GTF2A1L: variants seen among roughly 807,000 people sequenced by gnomAD.
The protein encoded by GTF2A1L is TFIIA-alpha and beta-like factor.
A neutral mutation model predicts 49.7 loss-of-function variants in GTF2A1L; 48 were observed. The ratio of observed to expected loss-of-function variants is 0.97; its 90% CI spans 0.77 to 1.23. GTF2A1L has a LOEUF of 1.23. Ranked by LOEUF, GTF2A1L falls within the 50% of genes most tolerant of loss-of-function variation. The pLI is 0.00. For missense variants in GTF2A1L, 736 were observed against 564.8 expected (o/e 1.30, Z -3.07); for synonymous variants, 246 against 193.5 (o/e 1.27, Z -2.25).
At chr2:48,668,743 G>C (rs1679000377) in intron 6 of GTF2A1L, 1 of 152,152 alleles carries the variant, frequency 6.6e-6, no homozygotes, top group African/African-American at 2.4e-5. Flanking sequence ...GCTGAGGCGG[G>C]AGAATGCTGT....
intron 5 of GTF2A1L, among the ~76,000 whole-genome samples, chr2:48,645,883 C>T (rs942164915): frequency 6.6e-6 from 1 of 151,628 alleles, no homozygotes; most frequent in Admixed American, 6.6e-5. Context: ...CTCCTGACCT[C>T]GTGATCCACC....
chr2:48,671,496 G>T, intron 7 of GTF2A1L, 95 bp from the exon 8 acceptor site: 1 of 1,308,450 alleles, frequency 7.6e-7, no homozygotes, highest in Non-Finnish European at 1.0e-6. Flanking sequence ...GAGCCACCAC[G>T]CCGAGACAAG....
rs1676464431 is a variant in GTF2A1L at position 48,629,494 on chromosome 2, C to T, written c.247+8204C>T. On this transcript the variant is annotated intron_variant, in intron 3 of 8. Coordinates refer to ENST00000403751, the MANE Select transcript of GTF2A1L (RefSeq NM_006872.5). ...CAATGGCAAGGTTGTGGACTAGCTG[C>T]CTTGCATTTATCACTGCAGTTTTGC... is the stretch of plus-strand genomic sequence containing the variant. Among the ~76,000 whole-genome samples, 2 of 144,008 alleles carry T rather than the reference C, an allele frequency of 1.4e-5. 1 individual carries two copies. Among genetic ancestry groups the T allele is most frequent in the African/African-American group, 4.9e-5 (2 of 40,446 alleles). 94.5% of individuals were successfully genotyped at this position (144,008 alleles called of 152,430 possible). A position where few individuals can be genotyped will look rare whatever the true frequency, so the allele number is the denominator to read the frequency against.
chr2:48,673,961 C>A (rs1337640336), intron 8 of GTF2A1L, among the ~76,000 whole-genome samples: 1 of 152,130 alleles, frequency 6.6e-6, no homozygotes, highest in African/African-American at 2.4e-5. Context: ...GTCAGAAAGA[C>A]TTTCCTGCTT....
At chr2:48,653,415 T>C (rs957268210) in intron 6 of GTF2A1L, among the ~76,000 whole-genome samples, 7 of 152,142 alleles carry the variant, frequency 4.6e-5, no homozygotes, top group Admixed American at 2.0e-4. Context: ...TTGTAGTCAA[T>C]ACCCTCTTTC....
intron 3 of GTF2A1L, among the ~76,000 whole-genome samples, chr2:48,633,661 T>A (rs953441220): frequency 3.5e-4 from 53 of 152,304 alleles, no homozygotes; most frequent in African/African-American, 1.1e-3. Flanking sequence ...GTCCAATTGG[T>A]CAAGTTTAAA....
intron 6 of GTF2A1L, among the ~76,000 whole-genome samples, chr2:48,660,477 C>G (rs1678428565): frequency 6.6e-6 from 1 of 151,838 alleles, no homozygotes; most frequent in Non-Finnish European, 1.5e-5. Flanking sequence ...TTAAGATTTT[C>G]TATTGCTTTC....
chr2:48,675,282 T>C (rs2104322254), intron 8 of GTF2A1L, among the ~76,000 whole-genome samples: 1 of 152,282 alleles, frequency 6.6e-6, no homozygotes, highest in East Asian at 1.9e-4. Context: ...TGCAGAATCC[T>C]GAGTCCCACG....
At chr2:48,670,370 A>G (rs1191705008) in intron 7 of GTF2A1L, among the ~76,000 whole-genome samples, 1 of 148,126 alleles carries the variant, frequency 6.8e-6, no homozygotes, top group Non-Finnish European at 1.5e-5. Flanking sequence ...GTGACAGAGC[A>G]AGACTCTTTA....
intron 3 of GTF2A1L, among the ~76,000 whole-genome samples, chr2:48,621,717 G>C (rs781057886): frequency 7.9e-5 from 12 of 152,278 alleles, no homozygotes; most frequent in African/African-American, 2.4e-4. Context: ...GCAAAATGGA[G>C]AGTTCAGAAT....
intron 8 of GTF2A1L, among the ~76,000 whole-genome samples, chr2:48,674,707 G>C (rs976394204): frequency 7.9e-5 from 12 of 151,914 alleles, no homozygotes; most frequent in African/African-American, 2.9e-4. Flanking sequence ...TTATGGATGT[G>C]GTATCCTTTG....
In GTF2A1L at chr2:48,662,444, A is replaced by AAT. The variant is rs1678564582; in HGVS notation, c.979-7278_979-7277insAT. Among the ~76,000 whole-genome samples, 25 of 152,244 alleles carry AAT rather than the reference A, an allele frequency of 1.6e-4. No individual in the cohort carries two copies. The South Asian group carries it at 5.0e-3, about 30-fold the overall frequency. On this transcript the variant is annotated intron_variant, in intron 6 of 8. Transcript: ENST00000403751. Reference sequence around the variant, plus strand: ...TAATATTTCTTGTAGGGAAAATCTAACTATAATGAATTCCCTTGGTTTTTA... The same window carrying AAT: ...TAATATTTCTTGTAGGGAAAATCTAAATCTATAATGAATTCCCTTGGTTTTTA...
At chr2:48,646,337 A>T in intron 5 of GTF2A1L, 116 bp from the exon 6 acceptor site, 1 of 892,716 alleles carries the variant, frequency 1.1e-6, no homozygotes, top group East Asian at 2.8e-5. Flanking sequence ...CACCATTAAC[A>T]TATTGGTGTA....
intron 3 of GTF2A1L, among the ~76,000 whole-genome samples, chr2:48,622,815 C>T (rs1676080328): frequency 6.9e-6 from 1 of 144,294 alleles, no homozygotes. Flanking sequence ...GCCTGGGCGA[C>T]ACAGTGAGAC....
At chr2:48,632,245 C>A (rs1676622241) in intron 3 of GTF2A1L, 1 of 152,142 alleles carries the variant, frequency 6.6e-6, no homozygotes, top group Non-Finnish European at 1.5e-5. Context: ...TCTTATTCAT[C>A]CTAGTAGTGG....
At chr2:48,644,937 C>G (rs1253819805) in intron 4 of GTF2A1L, 96 bp from the exon 5 acceptor site, 5 of 1,060,830 alleles carry the variant, frequency 4.7e-6, no homozygotes, top group Non-Finnish European at 6.6e-6. Context: ...AAACTATTGT[C>G]CAGAATCAGA....
chr2:48,637,037 T>A (rs533854899), intron 3 of GTF2A1L, among the ~76,000 whole-genome samples: 23 of 152,334 alleles, frequency 1.5e-4, no homozygotes, highest in African/African-American at 5.5e-4. Flanking sequence ...AAACTGTATG[T>A]CCGATTGTTC....
chr2:48,669,851 A>G lies in GTF2A1L; in HGVS notation c.1108A>G (p.Asn370Asp), dbSNP rs534704000. The G allele has an allele frequency of 1.2e-6, 2 of 1,614,070 alleles. No homozygotes were observed. The highest frequency in any genetic ancestry group is 3.3e-5 in the Admixed American group (2 of 60,022). Residue 370 changes from asparagine (N) to aspartate (D), a missense_variant, in exon 7 of 9, where the codon AAT becomes GAT. By Grantham distance (23) the Asn-to-Asp change is conservative. Transcript: ENST00000403751. ...AGGAAGTACAAGAGATGCAGATGAG[A>G]ATGAATTTCTAGGGAATATTGACGG... ...EIGSTRDADE[N>D]EFLGNIDGGD... is the part of the protein sequence containing the mutation.
At chr2:48,649,788 A>G (rs544883967) in intron 6 of GTF2A1L, among the ~76,000 whole-genome samples, 64 of 152,308 alleles carry the variant, frequency 4.2e-4, no homozygotes, top group African/African-American at 1.4e-3. Context: ...GCACCTTAAT[A>G]TACATATACA....
Sources: gnomAD v4.1 joint callset for allele counts (sites outside exome capture counted in the v4.1 genomes callset) on GRCh38, gnomAD v4.1.1 for gene constraint, MANE v1.5 for transcripts, NCBI Gene and HGNC (gene_info 2026-07-23, HGNC 2026-07-21) for gene names.